Variants in RAD54B observed in about 807,000 individuals in gnomAD.
RAD54B encodes the protein RAD54 homolog B, also known as DNA repair and recombination protein RAD54B.
In RAD54B, 78 loss-of-function variants were observed where a neutral mutation model predicts 95.8. The ratio of observed to expected loss-of-function variants is 0.81; its 90% confidence interval spans 0.68 to 0.98. RAD54B has a LOEUF of 0.98. RAD54B is among the 50% of genes least tolerant of loss of function. The pLI is 0.00. For synonymous variants in RAD54B, 328 were observed against 354.9 expected, an observed-to-expected ratio of 0.92 and a Z score of 0.85; for missense variants, 957 against 1,056.6, an observed-to-expected ratio of 0.91 and a Z score of 1.31.
intron 3 of RAD54B, chr8:94,430,460 C>CT (rs1440903477): frequency 5.1e-6 from 5 of 984,110 alleles, no homozygotes; most frequent in Non-Finnish European, 6.0e-6. Context: ...CCAAAATACT[C>CT]TGTTTCACTG....
chr8:94,472,630 G>A (rs1813198963), intron 1 of RAD54B, among the ~76,000 whole-genome samples: 1 of 152,008 alleles, frequency 6.6e-6, no homozygotes, highest in Non-Finnish European at 1.5e-5. Context: ...TTTTTAAAAA[G>A]GAACACTTAA....
intron 8 of RAD54B, among the ~76,000 whole-genome samples, chr8:94,398,880 G>A (rs1811203638): frequency 6.6e-6 from 1 of 151,950 alleles, no homozygotes; most frequent in African/African-American, 2.4e-5. Flanking sequence ...AATAAACCAT[G>A]CATATGTAGC....
intron 5 of RAD54B, among the ~76,000 whole-genome samples, chr8:94,406,212 A>G (rs953276092): frequency 2.6e-5 from 4 of 152,152 alleles, no homozygotes; most frequent in Admixed American, 1.3e-4. Context: ...GAGTAGGCAA[A>G]ACATTAGGAA....
chr8:94,447,042 T>C (rs182211528), intron 3 of RAD54B, among the ~76,000 whole-genome samples: 247 of 152,222 alleles, frequency 1.6e-3, no homozygotes, highest in Middle Eastern at 3.4e-3. Context: ...CTCTAAGAGT[T>C]ATTCTCAGTT....
intron 3 of RAD54B, chr8:94,429,873 C>A: frequency 1.3e-5 from 13 of 985,320 alleles, no homozygotes; most frequent in Non-Finnish European, 1.6e-5. Flanking sequence ...ATTTCTATAG[C>A]CATAACTTAA....
In RAD54B at chr8:94,402,769, T is replaced by C. The variant is rs1223137442; in HGVS notation, c.944+1308A>G. On this transcript the variant is annotated intron_variant, in intron 6 of 14. Transcript: ENST00000336148. ...GAAAACTCAAGATGGTGGCTTTAAG[T>C]AGAATACATTATTTGAGAAGCATCA... Among the ~76,000 whole-genome samples the C allele has an allele frequency of 2.0e-4, 30 of 152,166 alleles. 1 individual carries two copies. The highest frequency in any genetic ancestry group is 2.0e-3 in the Admixed American group (30 of 15,276).
At chr8:94,434,487 T>A (rs1169198457) in intron 3 of RAD54B, among the ~76,000 whole-genome samples, 1 of 151,762 alleles carries the variant, frequency 6.6e-6, no homozygotes, top group Non-Finnish European at 1.5e-5. Flanking sequence ...TCAATGTGAG[T>A]TACAGAAAAT....
At chr8:94,439,078 C>T (rs745671361) in intron 3 of RAD54B, among the ~76,000 whole-genome samples, 3 of 151,612 alleles carry the variant, frequency 2.0e-5, no homozygotes, top group Admixed American at 1.3e-4. Flanking sequence ...GGTGACAGAG[C>T]GAGACCCTGC....
At chr8:94,445,927 T>G (rs1054353916) in intron 3 of RAD54B, among the ~76,000 whole-genome samples, 2 of 152,214 alleles carry the variant, frequency 1.3e-5, no homozygotes, top group Non-Finnish European at 2.9e-5. Context: ...TAATGTAGAT[T>G]GATGGATAAA....
chr8:94,438,019 A>G (rs759535619), intron 3 of RAD54B, among the ~76,000 whole-genome samples: 3 of 152,222 alleles, frequency 2.0e-5, no homozygotes, highest in Non-Finnish European at 4.4e-5. Context: ...AACAACTGTG[A>G]TAGTTATTAA....
chr8:94,473,787 C>A (rs1813226531), intron 1 of RAD54B, among the ~76,000 whole-genome samples: 1 of 152,182 alleles, frequency 6.6e-6, no homozygotes. Flanking sequence ...TGCTGCTTGT[C>A]GACTTCCAAC....
At chr8:94,425,816 G>GAA (rs200507754) in intron 3 of RAD54B, among the ~76,000 whole-genome samples, 41 of 132,874 alleles carry the variant, frequency 3.1e-4, no homozygotes, top group East Asian at 1.0e-3. Context: ...GTACTAAAAT[G>GAA]AAAAAAAAAA....
chr8:94,474,574 G>A (rs779950169), intron 1 of RAD54B, among the ~76,000 whole-genome samples: 1 of 151,810 alleles, frequency 6.6e-6, no homozygotes, highest in African/African-American at 2.4e-5. Context: ...CCAGTGAAGA[G>A]GTAAAAGCCC....
intron 3 of RAD54B, chr8:94,432,201 GCT>G (rs1301503068): frequency 3.2e-6 from 5 of 1,549,902 alleles, no homozygotes; most frequent in Non-Finnish European, 4.4e-6. Context: ...TTCAATTTTT[GCT>G]CTTAGTAGCT....
Position 94,387,014 on chromosome 8 carries a change from G to A in RAD54B, c.1955C>T (p.Ala652Val), listed in dbSNP as rs757450496. ...GKLQVLSKLL[A>V]VIHELRPTEK... ...AGTAGGTCGAAGTTCGTGGATAACCGCTAAGAGCTTGGACAACACCTGTAG... is the reference window on the plus strand; with the variant it reads ...AGTAGGTCGAAGTTCGTGGATAACCACTAAGAGCTTGGACAACACCTGTAG... Residue 652 changes from alanine to valine, a missense_variant, in exon 11 of 15, where the codon GCG (alanine) becomes GTG (valine). Coordinates refer to ENST00000336148, the MANE Select transcript of RAD54B (RefSeq NM_012415.3). 1.1e-5 allele frequency: 17 copies of A among 1,607,466 alleles called. No individual in the cohort carries two copies. Among genetic ancestry groups the A allele is most frequent in the Middle Eastern group, 1.6e-4 (1 of 6,064 alleles).
intron 3 of RAD54B, among the ~76,000 whole-genome samples, chr8:94,454,604 C>A (rs544921404): frequency 6.9e-5 from 6 of 87,428 alleles, no homozygotes; most frequent in African/African-American, 1.7e-4. Flanking sequence ...GTTTAACAAG[C>A]CTTTTATCCA....
chr8:94,434,508 A>G (rs1292501170), intron 3 of RAD54B, among the ~76,000 whole-genome samples: 4 of 151,896 alleles, frequency 2.6e-5, no homozygotes, highest in African/African-American at 9.7e-5. Context: ...AAATAGCCTT[A>G]CAAAACAGGT....
chr8:94,441,242 T>G (rs1175293703), intron 3 of RAD54B, among the ~76,000 whole-genome samples: 1 of 152,124 alleles, frequency 6.6e-6, no homozygotes. Context: ...TTGCCGATGC[T>G]CCCAGCTGAA....
Position 94,400,263 on chromosome 8 carries a change from C to T in RAD54B, c.1145G>A (p.Arg382Lys). The change falls in exon 7 of 15, where the codon AGG (arginine) becomes AAG (lysine). Residue 382 changes from arginine (R) to lysine (K), a missense_variant. Arg to Lys is a conservative substitution (Grantham distance 26). Coordinates refer to ENST00000336148, the MANE Select transcript of RAD54B (RefSeq NM_012415.3). ...KEFQKWLGSE[R>K]IKIFTVDQDH... ...CTGATCAACAGTAAATATCTTGATC[C>T]TTTCACTTCCTAGCCATTTTTGAAA... The T allele has an allele frequency of 6.2e-7, 1 of 1,613,480 alleles. No homozygotes were observed.
Sources: gnomAD v4.1 joint callset for allele counts (sites outside exome capture counted in the v4.1 genomes callset) on GRCh38, gnomAD v4.1.1 for gene constraint, MANE v1.5 for transcripts, NCBI Gene and HGNC (gene_info 2026-07-23, HGNC 2026-07-21) for gene names.